Variants in TMC1 observed in about 807,000 individuals in gnomAD.
TMC1 encodes the protein transmembrane channel like 1, also known as transmembrane channel-like protein 1.
A neutral mutation model predicts 105.8 loss-of-function variants in TMC1; 84 were observed. The ratio of observed to expected loss-of-function variants is 0.79; its 90% CI spans 0.67 to 0.95. The LOEUF (loss-of-function observed/expected upper bound fraction) is 0.95. Among genes scored for constraint, TMC1 ranks in the 40% least tolerant of loss-of-function variants. The pLI is 0.00. For missense variants in TMC1, 817 were observed against 914.1 expected (o/e 0.89, Z 1.37); for synonymous variants, 315 against 311.5 (o/e 1.01, Z -0.12).
At chr9:72,808,132 C>T (rs1323765155) in intron 18 of TMC1, among the ~76,000 whole-genome samples, 1 of 152,168 alleles carries the variant, frequency 6.6e-6, no homozygotes, top group Non-Finnish European at 1.5e-5. Flanking sequence ...TTTCCAAATC[C>T]CTTTCTAGGC....
At chr9:72,722,838 A>T (rs189270183) in intron 8 of TMC1, among the ~76,000 whole-genome samples, 27 of 152,300 alleles carry the variant, frequency 1.8e-4, no homozygotes, top group Admixed American at 1.0e-3. Flanking sequence ...TGGTGTAAAT[A>T]CTTCCACTAT....
At chr9:72,643,445 A>T (rs1393849169) in intron 4 of TMC1, among the ~76,000 whole-genome samples, 1 of 152,128 alleles carries the variant, frequency 6.6e-6, no homozygotes, top group Non-Finnish European at 1.5e-5. Flanking sequence ...AGGTAATAAC[A>T]TATCTCAGTT....
intron 4 of TMC1, among the ~76,000 whole-genome samples, chr9:72,637,962 C>T (rs1359117993): frequency 6.6e-6 from 1 of 152,120 alleles, no homozygotes; most frequent in African/African-American, 2.4e-5. Context: ...AAGTGGAGTC[C>T]AAGGGAAGTT....
intron 3 of TMC1, among the ~76,000 whole-genome samples, chr9:72,618,477 C>T (rs1564448318): frequency 6.6e-6 from 1 of 152,050 alleles, no homozygotes; most frequent in Non-Finnish European, 1.5e-5. Context: ...CATAACCACA[C>T]AGACAGAAAT....
chr9:72,773,768 T>A (rs1827967482), intron 13 of TMC1, among the ~76,000 whole-genome samples: 1 of 152,162 alleles, frequency 6.6e-6, no homozygotes, highest in Admixed American at 6.5e-5. Flanking sequence ...AAGAATAGTT[T>A]CTCATGTCTG....
intron 12 of TMC1, among the ~76,000 whole-genome samples, chr9:72,770,686 ATCT>A (rs1364562720): frequency 6.6e-6 from 1 of 152,100 alleles, no homozygotes; most frequent in African/African-American, 2.4e-5. Flanking sequence ...AGGCTGAGAA[ATCT>A]TCTAACCTGA....
intron 8 of TMC1, among the ~76,000 whole-genome samples, chr9:72,715,168 A>G (rs983015048): frequency 1.3e-5 from 2 of 152,148 alleles, no homozygotes; most frequent in South Asian, 2.1e-4. Flanking sequence ...GGGTAACCCA[A>G]CCTTTCTCTC....
intron 5 of TMC1, among the ~76,000 whole-genome samples, chr9:72,673,638 A>T (rs1826157689): frequency 6.6e-6 from 1 of 152,182 alleles, no homozygotes; most frequent in African/African-American, 2.4e-5. Flanking sequence ...ATAATATGAT[A>T]AAAAACTCAG....
At chr9:72,599,733 C>A (rs1564435728) in intron 2 of TMC1, among the ~76,000 whole-genome samples, 1 of 151,482 alleles carries the variant, frequency 6.6e-6, no homozygotes, top group South Asian at 2.1e-4. Context: ...TCACTTGAAC[C>A]CAGGAGATGG....
Position 72,836,611 on chromosome 9 carries a change from G to A in TMC1, c.*638G>A, listed in dbSNP as rs1363244677. 6.6e-6 allele frequency: 1 copy of A among 152,600 alleles called. No homozygotes were observed. The highest frequency in any genetic ancestry group is 2.4e-5 in the African/African-American group (1 of 41,346). The allele number at this position is 152,600 out of a possible 1,614,324, so 9.5% of individuals were successfully genotyped here. The stretch of plus-strand genomic sequence containing the variant: ...AAAAATCCTATATGAATTGGGGCCT[G>A]GATAGCACTGAGTTGAAGATCTTGA... On this transcript the variant is annotated 3_prime_UTR_variant, in exon 24 of 24. Transcript: ENST00000297784.
chr9:72,530,236 T>C (rs942013671), intron 1 of TMC1, among the ~76,000 whole-genome samples: 10 of 152,102 alleles, frequency 6.6e-5, no homozygotes, highest in African/African-American at 1.9e-4. Context: ...TGGAGTGTAG[T>C]GACGCGATCT....
At chr9:72,633,586 T>G (rs1040188712) in intron 4 of TMC1, among the ~76,000 whole-genome samples, 11 of 152,192 alleles carry the variant, frequency 7.2e-5, no homozygotes, top group Admixed American at 7.2e-4. Flanking sequence ...TAAAATGAGT[T>G]TATTGATTGT....
chr9:72,694,426 G>A, intron 6 of TMC1, 117 bp from the exon 7 acceptor site: 1 of 838,880 alleles, frequency 1.2e-6, no homozygotes, highest in Non-Finnish European at 2.0e-6. Context: ...ACGATGTGGA[G>A]AATTGCTAGA....
intron 19 of TMC1, among the ~76,000 whole-genome samples, chr9:72,816,679 A>G (rs1451664593): frequency 6.6e-6 from 1 of 152,162 alleles, no homozygotes; most frequent in African/African-American, 2.4e-5. Flanking sequence ...TCGAGATGAA[A>G]CGCATGTTTT....
At chr9:72,744,265 A>T (rs1827449478) in intron 10 of TMC1, among the ~76,000 whole-genome samples, 1 of 152,152 alleles carries the variant, frequency 6.6e-6, no homozygotes, top group African/African-American at 2.4e-5. Context: ...TAATTTTTTG[A>T]TGTAATCTTA....
intron 2 of TMC1, among the ~76,000 whole-genome samples, chr9:72,593,723 A>AAAG (rs900358498): frequency 2.6e-5 from 4 of 152,002 alleles, no homozygotes; most frequent in African/African-American, 7.2e-5. Flanking sequence ...TAAAAAAAAA[A>AAAG]AAGAAGAAGA....
chr9:72,719,898 C>T (rs1826992921), intron 8 of TMC1, among the ~76,000 whole-genome samples: 1 of 152,146 alleles, frequency 6.6e-6, no homozygotes, highest in Non-Finnish European at 1.5e-5. Flanking sequence ...ACATTGACAT[C>T]CCATTTTTCT....
At position 72,830,519 on chromosome 9, in the gene TMC1, A is replaced by T; in HGVS notation, c.2198A>T (p.Lys733Met). The stretch of plus-strand genomic sequence containing the variant: ...GCAGCGAATCTGGATCTCAAAAAGA[A>T]GATGAAAATGGTATGATACAATTTA... ...QKAANLDLKK[K>M]MKMQALENKM... The change falls in exon 22 of 24, where the codon AAG becomes ATG. Residue 733 changes from lysine to methionine, a missense_variant. Lys to Met is a moderately conservative substitution (Grantham distance 95). Coordinates refer to ENST00000297784, the MANE Select transcript of TMC1 (RefSeq NM_138691.3). 1 of 1,613,334 alleles carries T rather than the reference A, an allele frequency of 6.2e-7. No individual in the cohort carries two copies. The highest frequency in any genetic ancestry group is 1.1e-5 in the South Asian group (1 of 91,050).
At chr9:72,806,997 T>G (rs1828608282) in intron 18 of TMC1, among the ~76,000 whole-genome samples, 1 of 152,176 alleles carries the variant, frequency 6.6e-6, no homozygotes, top group African/African-American at 2.4e-5. Context: ...TGAACGAGAC[T>G]CCGTCTGCAA....
Sources: allele counts gnomAD v4.1 joint callset (sites outside exome capture counted in the v4.1 genomes callset), GRCh38; gene constraint gnomAD v4.1.1; transcripts MANE v1.5; gene names NCBI Gene and HGNC (gene_info 2026-07-23, HGNC 2026-07-21).